The following AHNAK variants were observed in gnomAD, a reference collection of about 807,000 sequenced individuals.
The protein encoded by AHNAK is AHNAK nucleoprotein.
Under a neutral mutation model 37.8 loss-of-function variants are expected in AHNAK, and 23 were observed. The observed-to-expected ratio is 0.61, with a 90% confidence interval of 0.44 to 0.86. The LOEUF (loss-of-function observed/expected upper bound fraction) is 0.86, where lower values mean the gene tolerates loss of function less well. Ranked by LOEUF, AHNAK falls within the 40% of genes least tolerant of loss-of-function variation. AHNAK has a pLI of 0.00. For missense variants in AHNAK, 7,411 were observed against 7,319.4 expected, an observed-to-expected ratio of 1.01 and a Z score of -0.46; for synonymous variants, 2,481 against 2,636.3, an observed-to-expected ratio of 0.94 and a Z score of 1.80.
chr11:62,518,698 T>C lies in AHNAK; in HGVS notation c.15719A>G (p.Lys5240Arg), dbSNP rs1169985132. 1.2e-6 allele frequency: 2 copies of C among 1,614,180 alleles called. No homozygotes were observed. Among genetic ancestry groups the C allele is most frequent in the Non-Finnish European group, 1.7e-6 (2 of 1,180,030 alleles). Reference sequence around the variant, plus strand: ...CATTTTCACACCTGGGATGCCGATCTTGGGCATGGAAAACTTGGGGAACTT... The same window carrying C: ...CATTTTCACACCTGGGATGCCGATCCTGGGCATGGAAAACTTGGGGAACTT... Reference protein sequence around the residue: ...KIKFPKFSMPKIGIPGVKMEG... With the variant: ...KIKFPKFSMPRIGIPGVKMEG... The change falls in exon 5 of 5, where the codon AAG becomes AGG. Residue 5240 changes from lysine to arginine, a missense_variant. Physicochemically the swap from Lys to Arg is conservative, Grantham distance 26 (BLOSUM62 2). Transcript: ENST00000378024.
At chr11:62,502,241 T>C (rs1290306654) in intron 4 of AHNAK, among the ~76,000 whole-genome samples, 1 of 152,140 alleles carries the variant, frequency 6.6e-6, no homozygotes, top group African/African-American at 2.4e-5. Context: ...TGGTGTCAAT[T>C]TGAGAAGTTT....
In AHNAK at chr11:62,529,400, C is replaced by T. The variant is rs371040495; in HGVS notation, c.5017G>A (p.Val1673Met). 4.3e-6 allele frequency: 7 copies of T among 1,614,056 alleles called. No homozygotes were observed. Among genetic ancestry groups the T allele is most frequent in the South Asian group, 1.1e-5 (1 of 91,076 alleles). ...TCACCTTCTACCTTGGGCACAGACA[C>T]ATCCATATCCCCTTTGACTTTGGGG... The part of the protein sequence containing the change: ...KGPKVKGDMD[V>M]SVPKVEGEMK... The change falls in exon 5 of 5, where the codon GTG (valine) becomes ATG (methionine). Residue 1673 changes from valine to methionine, a missense_variant. Transcript: ENST00000378024.
chr11:62,473,797 AC>A (rs1273981258), intron 5 of AHNAK, among the ~76,000 whole-genome samples: 2 of 152,114 alleles, frequency 1.3e-5, no homozygotes, highest in African/African-American at 4.8e-5. Flanking sequence ...GGAGTTCCAG[AC>A]CAGCCTGGAC....
At position 62,518,963 on chromosome 11, in the gene AHNAK, C is replaced by A. The variant is rs1036911880; in HGVS notation, c.15454G>T (p.Val5152Leu). The change falls in exon 5 of 5, where the codon GTG (valine) becomes TTG (leucine). Residue 5152 changes from valine to leucine, a missense_variant. Val to Leu is a conservative substitution (Grantham distance 32, BLOSUM62 1). Coordinates refer to ENST00000378024, the MANE Select transcript of AHNAK (RefSeq NM_001620.3). ...TTCAGGTCACCCTCTATTTTTGGCA[C>A]TGAGATGTCCACATCTGGCATCTTG... ...KVKMPDVDIS[V>L]PKIEGDLKGP... 6.2e-7 allele frequency: 1 copy of A among 1,614,160 alleles called. No homozygotes were observed. The highest frequency in any genetic ancestry group is 8.5e-7 in the Non-Finnish European group (1 of 1,180,026).
intron 5 of AHNAK, among the ~76,000 whole-genome samples, chr11:62,464,797 C>T (rs1036616267): frequency 1.3e-5 from 2 of 152,134 alleles, no homozygotes; most frequent in Non-Finnish European, 2.9e-5. Flanking sequence ...TGCCACTGCA[C>T]TCCAGCCTGG....
chr11:62,443,289 T>TTTTTTTG (rs1938351317), intron 5 of AHNAK, among the ~76,000 whole-genome samples: 1 of 145,320 alleles, frequency 6.9e-6, no homozygotes, highest in African/African-American at 2.6e-5. Context: ...TTTTTTTTTT[T>TTTTTTTG]GAGACAGAGT....
At chr11:62,542,938 C>A (rs751819507) in intron 1 of AHNAK, among the ~76,000 whole-genome samples, 1 of 152,184 alleles carries the variant, frequency 6.6e-6, no homozygotes, top group Non-Finnish European at 1.5e-5. Context: ...TGCTCTCCCC[C>A]CAGCGGTCGG....
Position 62,531,428 on chromosome 11 carries a change from T to C in AHNAK, c.2989A>G (p.Lys997Glu). The change falls in exon 5 of 5, where the codon AAG (lysine) becomes GAG (glutamate). Residue 997 changes from lysine (K) to glutamate (E), a missense_variant. Coordinates refer to ENST00000378024, the MANE Select transcript of AHNAK (RefSeq NM_001620.3). Reference sequence around the variant, plus strand: ...TTGGGCATTTTAATCTTTGGCATCTTCAAGTTCCAGTCAGGACCCTGCATT... The same window carrying C: ...TTGGGCATTTTAATCTTTGGCATCTCCAAGTTCCAGTCAGGACCCTGCATT... Reference protein sequence around the residue: ...VEMQGPDWNLKMPKIKMPKFS... With the variant: ...VEMQGPDWNLEMPKIKMPKFS... 1 of 1,614,228 alleles carries C rather than the reference T, an allele frequency of 6.2e-7. No individual in the cohort carries two copies. Among genetic ancestry groups the C allele is most frequent in the Non-Finnish European group, 8.5e-7 (1 of 1,180,040 alleles).
rs199589476 is a variant in AHNAK, at chr11:62,527,968, C to T, written c.6449G>A (p.Ser2150Asn). 7.9e-5 allele frequency: 127 copies of T among 1,612,952 alleles called. No homozygotes were observed. Among genetic ancestry groups the T allele is most frequent in the Admixed American group, 3.2e-4 (19 of 59,856 alleles). Reference sequence around the variant, plus strand: ...AACATCAGGCACCTCCACATCCACACTGGGGCCTGTTAAATCTCCCTCCAA... The same window carrying T: ...AACATCAGGCACCTCCACATCCACATTGGGGCCTGTTAAATCTCCCTCCAA... ...PKLEGDLTGP[S>N]VDVEVPDVEL... The change falls in exon 5 of 5, where the codon AGT becomes AAT. Residue 2150 changes from serine (S) to asparagine (N), a missense_variant. Coordinates refer to ENST00000378024, the MANE Select transcript of AHNAK (RefSeq NM_001620.3).
At chr11:62,493,399 C>T (rs1350404226) in intron 4 of AHNAK, among the ~76,000 whole-genome samples, 7 of 147,378 alleles carry the variant, frequency 4.7e-5, no homozygotes, top group African/African-American at 1.0e-4. Flanking sequence ...GGCACAATCT[C>T]ACTGCAACCT....
intron 4 of AHNAK, among the ~76,000 whole-genome samples, chr11:62,505,083 G>A (rs1194163857): frequency 6.6e-6 from 1 of 152,162 alleles, no homozygotes; most frequent in Non-Finnish European, 1.5e-5. Flanking sequence ...AGCGCGCAAT[G>A]AAAGGCCAGT....
chr11:62,518,475 G>A lies in AHNAK; in HGVS notation c.15942C>T (p.Asp5314=), dbSNP rs985454572. ...LNLKGPSLKG[D]LDASVPSMKV... is the part of the protein sequence containing the mutation. ...TCATGCTGGGAACAGATGCATCCAG[G>A]TCTCCCTTCAAACTTGGTCCTTTCA... Residue 5314 remains aspartate, a synonymous_variant, in exon 5 of 5, where the codon GAC becomes GAT. Coordinates refer to ENST00000378024, the MANE Select transcript of AHNAK (RefSeq NM_001620.3). The A allele has an allele frequency of 5.6e-6, 9 of 1,614,028 alleles. No homozygotes were observed. The Admixed American group carries it at 1.5e-4, about 27-fold the overall frequency.
Position 62,518,639 on chromosome 11 carries a change from G to C in AHNAK, c.15778C>G (p.Pro5260Ala), listed in dbSNP as rs760650288. The C allele has an allele frequency of 6.2e-7, 1 of 1,614,174 alleles. No homozygotes were observed. Among genetic ancestry groups the C allele is most frequent in the South Asian group, 1.1e-5 (1 of 91,080 alleles). Residue 5260 changes from proline (P) to alanine (A), a missense_variant, in exon 5 of 5, where the codon CCC becomes GCC. Pro to Ala is a conservative substitution (Grantham distance 27). Coordinates refer to ENST00000378024, the MANE Select transcript of AHNAK (RefSeq NM_001620.3). ...GGGAEVHAQL[P>A]SLEGDLRGPD... Reference sequence around the variant, plus strand: ...CCTCTCAAGTCTCCTTCAAGAGAGGGTAGCTGGGCATGGACCTCGGCTCCC... The same window carrying C: ...CCTCTCAAGTCTCCTTCAAGAGAGGCTAGCTGGGCATGGACCTCGGCTCCC...
At chr11:62,488,880 G>A (rs1175335252) in intron 5 of AHNAK, among the ~76,000 whole-genome samples, 3 of 152,080 alleles carry the variant, frequency 2.0e-5, no homozygotes, top group Non-Finnish European at 2.9e-5. Flanking sequence ...AGGCTCAGGT[G>A]GGCCTGGAGT....
Position 62,519,307 on chromosome 11 carries a change from G to T in AHNAK, c.15110C>A (p.Ala5037Asp), listed in dbSNP as rs1191593964. ...ATTCAGGTCAAATCCCTGTTTTTTG[G>T]CCTTAATCTTAGGACCACTCATATG... is the stretch of plus-strand genomic sequence containing the variant. The part of the protein sequence containing the change: ...KIHMSGPKIK[A>D]KKQGFDLNVP... Residue 5037 changes from alanine to aspartate, a missense_variant, in exon 5 of 5, where the codon GCC becomes GAC. Ala to Asp is a moderately radical substitution (Grantham distance 126). Coordinates refer to ENST00000378024, the MANE Select transcript of AHNAK (RefSeq NM_001620.3). 12 of 1,613,874 alleles carry T rather than the reference G, an allele frequency of 7.4e-6. No homozygotes were observed. The highest frequency in any genetic ancestry group is 1.0e-5 in the Non-Finnish European group (12 of 1,180,002).
chr11:62,482,703 C>G (rs1166839573), intron 5 of AHNAK, among the ~76,000 whole-genome samples: 2 of 152,202 alleles, frequency 1.3e-5, no homozygotes, highest in Non-Finnish European at 2.9e-5. Context: ...CCCTCATACT[C>G]TTTTCCCCAG....
intron 1 of AHNAK, among the ~76,000 whole-genome samples, chr11:62,543,948 A>G (rs1172077918): frequency 6.6e-6 from 1 of 152,136 alleles, no homozygotes; most frequent in African/African-American, 2.4e-5. Flanking sequence ...CATAAGGAGT[A>G]GGACTAGCTC....
At chr11:62,479,167 C>CTTTTTTTT (rs33929407) in intron 5 of AHNAK, among the ~76,000 whole-genome samples, 2,248 of 115,122 alleles carry the variant, frequency 0.02, 1 homozygote, top group Non-Finnish European at 0.026. Context: ...TTTCTTTTTT[C>CTTTTTTTT]TTTTTTTTTT....
intron 1 of AHNAK, chr11:62,537,557 C>T (rs926262580): frequency 2.6e-5 from 4 of 152,190 alleles, no homozygotes; most frequent in African/African-American, 9.7e-5. Context: ...ACATTCTCAA[C>T]CACAGCTTCA....
Sources: gnomAD v4.1 joint callset for allele counts (sites outside exome capture counted in the v4.1 genomes callset) on GRCh38, gnomAD v4.1.1 for gene constraint, MANE v1.5 for transcripts, NCBI Gene and HGNC (gene_info 2026-07-23, HGNC 2026-07-21) for gene names.